Variants in FREM2 observed in about 807,000 individuals in gnomAD.
FREM2 encodes the protein FRAS1 related extracellular matrix 2.
Under a neutral mutation model 219.9 loss-of-function variants are expected in FREM2, and 119 were observed. The ratio of observed to expected loss-of-function variants is 0.54; its 90% confidence interval spans 0.47 to 0.63. The LOEUF is 0.63. FREM2 is among the 30% of genes least tolerant of loss of function. The pLI is 0.00. For missense variants in FREM2, 4,030 were observed against 3,993.6 expected, an observed-to-expected ratio of 1.01 and a Z score of -0.25; for synonymous variants, 1,562 against 1,522.8, an observed-to-expected ratio of 1.03 and a Z score of -0.60.
At chr13:38,738,776 A>G (rs1262946821) in intron 2 of FREM2, among the ~76,000 whole-genome samples, 1 of 152,060 alleles carries the variant, frequency 6.6e-6, no homozygotes, top group Admixed American at 6.6e-5. Flanking sequence ...CTGGAGGCCA[A>G]CAATAACAAA....
At chr13:38,763,887 A>G (rs1184660955) in intron 2 of FREM2, among the ~76,000 whole-genome samples, 2 of 152,168 alleles carry the variant, frequency 1.3e-5, no homozygotes, top group Non-Finnish European at 2.9e-5. Context: ...AACCGGAAAA[A>G]GTATTTGTGA....
At chr13:38,875,157 GT>G (rs1320444890) in intron 18 of FREM2, among the ~76,000 whole-genome samples, 1 of 72,268 alleles carries the variant, frequency 1.4e-5, no homozygotes, top group Non-Finnish European at 2.7e-5. Context: ...TTTGTTTTTT[GT>G]TTTTTTTTAA....
intron 6 of FREM2, among the ~76,000 whole-genome samples, chr13:38,842,976 T>C (rs1877015685): frequency 6.6e-6 from 1 of 152,240 alleles, no homozygotes; most frequent in Non-Finnish European, 1.5e-5. Flanking sequence ...CCTTGATCTA[T>C]GTCCTTTATT....
At chr13:38,847,576 G>C (rs1877210341) in intron 7 of FREM2, among the ~76,000 whole-genome samples, 1 of 151,952 alleles carries the variant, frequency 6.6e-6, no homozygotes, top group Non-Finnish European at 1.5e-5. Context: ...AGAAATAAGA[G>C]CAAAGGGGAA....
rs974059985 is a variant in FREM2, at chr13:38,690,324, A to G, written c.2980A>G (p.Ile994Val). Residue 994 changes from isoleucine (I) to valine (V), a missense_variant, in exon 1 of 24, where the codon ATC (isoleucine) becomes GTC (valine). Ile to Val is a conservative substitution (Grantham distance 29). Around this residue, in one of 2 missense-constraint regions of FREM2, gnomAD observed 3,102 missense variants for 2,950.7 expected, o/e 1.05. Transcript: ENST00000280481. ...LLEDPPLYGE[I>V]LVNGIPAEQF... is the part of the protein sequence containing the mutation. ...GGAAGATCCACCTTTGTATGGGGAA[A>G]TCTTGGTCAATGGCATTCCAGCAGA... 1.9e-6 allele frequency: 3 copies of G among 1,614,108 alleles called. No individual in the cohort carries two copies. Among genetic ancestry groups the G allele is most frequent in the Non-Finnish European group, 1.7e-6 (2 of 1,180,050 alleles).
In FREM2 at chr13:38,846,740, C is replaced by T. The variant is rs199962364; in HGVS notation, c.6169+18C>T. 553 of 1,613,074 alleles carry T rather than the reference C, an allele frequency of 3.4e-4. 2 individuals are homozygous for T. The highest frequency in any genetic ancestry group is 1.2e-3 in the African/African-American group (90 of 74,980). Reference sequence around the variant, plus strand: ...TGCAGATGGTGAGCAGTTTCCCACTCGGCTCTTTTGATTGTTCTGCAATTT... The same window carrying T: ...TGCAGATGGTGAGCAGTTTCCCACTTGGCTCTTTTGATTGTTCTGCAATTT... On this transcript the variant is annotated intron_variant, in intron 7 of 23. Transcript: ENST00000280481.
chr13:38,880,710 G>A lies in FREM2; in HGVS notation c.9433G>A (p.Asp3145Asn). 1 of 1,614,192 alleles carries A rather than the reference G, an allele frequency of 6.2e-7. No individual in the cohort carries two copies. The highest frequency in any genetic ancestry group is 8.5e-7 in the Non-Finnish European group (1 of 1,180,026). Reference protein sequence around the residue: ...CRGKESFRGKDAPKGSSSSEP... With the variant: ...CRGKESFRGKNAPKGSSSSEP... ...GGGCAAGGAAAGTTTCAGGGGGAAG[G>A]ATGCCCCGAAAGGCTCCAGCAGCAG... Residue 3145 changes from aspartate to asparagine, a missense_variant, in exon 24 of 24, where the codon GAT (aspartate) becomes AAT (asparagine). This residue lies in a region of FREM2 where 928 missense variants were observed against 1,042.9 expected (regional missense o/e 0.89). Transcript: ENST00000280481.
chr13:38,757,752 A>G (rs868619202), intron 2 of FREM2, among the ~76,000 whole-genome samples: 3 of 152,082 alleles, frequency 2.0e-5, no homozygotes, highest in Non-Finnish European at 2.9e-5. Context: ...CACCAAGCCC[A>G]GCTAACTTTT....
At chr13:38,796,695 T>C (rs568892224) in intron 6 of FREM2, among the ~76,000 whole-genome samples, 5 of 152,322 alleles carry the variant, frequency 3.3e-5, no homozygotes, top group South Asian at 2.1e-4. Context: ...TGATTCCATA[T>C]ATTTGCTATT....
intron 4 of FREM2, among the ~76,000 whole-genome samples, chr13:38,775,142 C>T (rs894242316): frequency 3.3e-5 from 5 of 152,084 alleles, no homozygotes; most frequent in African/African-American, 4.8e-5. Context: ...TGAGCCAAAC[C>T]GATTTCATAT....
intron 2 of FREM2, among the ~76,000 whole-genome samples, chr13:38,701,646 T>C (rs897728837): frequency 3.9e-5 from 6 of 152,090 alleles, no homozygotes; most frequent in Non-Finnish European, 8.8e-5. Flanking sequence ...CTTCTAGCTC[T>C]TTATTGTGAT....
chr13:38,772,944 G>C (rs991819435), intron 4 of FREM2, among the ~76,000 whole-genome samples: 2 of 151,896 alleles, frequency 1.3e-5, no homozygotes, highest in African/African-American at 4.8e-5. Context: ...TGATCTGCCC[G>C]CCTCGGCCTT....
intron 2 of FREM2, among the ~76,000 whole-genome samples, chr13:38,707,264 C>G (rs1387107241): frequency 6.6e-6 from 1 of 152,116 alleles, no homozygotes; most frequent in African/African-American, 2.4e-5. Flanking sequence ...TCAGTTATAG[C>G]TAATTACCAT....
At chr13:38,707,641 C>T (rs923176436) in intron 2 of FREM2, among the ~76,000 whole-genome samples, 2 of 152,026 alleles carry the variant, frequency 1.3e-5, no homozygotes, top group South Asian at 2.1e-4. Context: ...GTTAGAGGCA[C>T]GAGTTGAGAA....
At chr13:38,835,662 T>C (rs1876679865) in intron 6 of FREM2, among the ~76,000 whole-genome samples, 1 of 152,214 alleles carries the variant, frequency 6.6e-6, no homozygotes, top group African/African-American at 2.4e-5. Context: ...GTCCTTCACA[T>C]CCCTTGTAAG....
chr13:38,870,147 T>G (rs1056067119), intron 16 of FREM2, among the ~76,000 whole-genome samples: 1 of 152,208 alleles, frequency 6.6e-6, no homozygotes, highest in Non-Finnish European at 1.5e-5. Flanking sequence ...GTATTTGATT[T>G]AGATATATGA....
At chr13:38,802,649 G>A (rs1875061868) in intron 6 of FREM2, among the ~76,000 whole-genome samples, 1 of 152,178 alleles carries the variant, frequency 6.6e-6, no homozygotes. Context: ...AGCAGTGGCA[G>A]CATCAGCTCC....
chr13:38,863,840 G>A (rs1877851893), intron 15 of FREM2, among the ~76,000 whole-genome samples: 1 of 151,996 alleles, frequency 6.6e-6, no homozygotes, highest in African/African-American at 2.4e-5. Flanking sequence ...TTTTTGTAGG[G>A]GTTTTTTTTG....
At chr13:38,848,365 A>G in intron 7 of FREM2, 96 bp from the exon 8 acceptor site, 16 of 928,470 alleles carry the variant, frequency 1.7e-5, no homozygotes, top group Non-Finnish European at 2.3e-5. Context: ...CTATTTTTTA[A>G]AAGAAGAATT....
Sources: allele counts gnomAD v4.1 joint callset (sites outside exome capture counted in the v4.1 genomes callset), GRCh38; gene constraint gnomAD v4.1.1; regional missense constraint gnomAD v4.1.1; transcripts MANE v1.5; gene names NCBI Gene and HGNC (gene_info 2026-07-23, HGNC 2026-07-21).